Variants in UACA observed in about 807,000 individuals in gnomAD.
UACA encodes nuclear membrane binding protein.
A neutral mutation model predicts 160.5 loss-of-function variants in UACA; 112 were observed. The observed-to-expected ratio is 0.70, with a 90% CI of 0.60 to 0.82. The LOEUF is 0.82. UACA is among the 40% of genes least tolerant of loss of function. The pLI, the probability that UACA is intolerant of heterozygous loss-of-function variation, is 0.00. For missense variants in UACA, 1,574 were observed against 1,614.6 expected (o/e 0.97, Z 0.43); for synonymous variants, 557 against 568.4 (o/e 0.98, Z 0.29).
intron 1 of UACA, among the ~76,000 whole-genome samples, chr15:70,738,208 AT>A (rs1899426717): frequency 6.6e-6 from 1 of 151,778 alleles, no homozygotes; most frequent in Non-Finnish European, 1.5e-5. Flanking sequence ...ACAATCACTT[AT>A]TTTTCTTCCG....
chr15:70,674,206 A>C (rs1310694689), intron 13 of UACA, among the ~76,000 whole-genome samples: 1 of 152,156 alleles, frequency 6.6e-6, no homozygotes, highest in Non-Finnish European at 1.5e-5. Flanking sequence ...ATACTGGGTC[A>C]CATATAAAGT....
intron 1 of UACA, among the ~76,000 whole-genome samples, chr15:70,721,620 C>T (rs986337720): frequency 2.1e-5 from 3 of 146,118 alleles, no homozygotes; most frequent in Non-Finnish European, 4.5e-5. Flanking sequence ...GAGCGAGACT[C>T]CATCTTAAAA....
intron 17 of UACA, chr15:70,661,357 C>A (rs1378597722): frequency 6.6e-6 from 1 of 152,176 alleles, no homozygotes; most frequent in Non-Finnish European, 1.5e-5. Context: ...CTACCCAGAA[C>A]TCCTTGGGGA....
intron 13 of UACA, among the ~76,000 whole-genome samples, chr15:70,673,744 T>C (rs1288293320): frequency 6.6e-6 from 1 of 152,256 alleles, no homozygotes; most frequent in African/African-American, 2.4e-5. Flanking sequence ...TGTTAAGTTA[T>C]TATACATAAC....
Position 70,669,459 on chromosome 15 carries a change from T to G in UACA, c.1225A>C (p.Thr409Pro). ...ATATGGGCTGGTATACCTGGGGAAG[T>G]ACACTGAAAAGAAAAAAAAAAAGAC... The part of the protein sequence containing the change: ...GQMYMADSQC[T>P]SPGIPAHMQS... Residue 409 changes from threonine (T) to proline (P), a missense_variant, in exon 16 of 19, where the codon ACT (threonine) becomes CCT (proline). Physicochemically the swap from Thr to Pro is conservative, Grantham distance 38 (BLOSUM62 -1). Transcript: ENST00000322954. 6.5e-7 allele frequency: 1 copy of G among 1,537,838 alleles called. No homozygotes were observed.
At chr15:70,771,598 A>G in the UACA span, among the ~76,000 whole-genome samples, 2 of 152,230 alleles carry the variant, frequency 1.3e-5, no homozygotes, top group Non-Finnish European at 2.9e-5. Flanking sequence ...ACAAGCAAAT[A>G]AGTAAGCGAC....
chr15:70,694,625 A>C (rs1008501721), intron 3 of UACA, among the ~76,000 whole-genome samples: 1 of 152,174 alleles, frequency 6.6e-6, no homozygotes, highest in Non-Finnish European at 1.5e-5. Context: ...TGTTATATAC[A>C]TGTCAGCTAT....
At chr15:70,693,844 A>G (rs1283068641) in intron 3 of UACA, among the ~76,000 whole-genome samples, 1 of 152,186 alleles carries the variant, frequency 6.6e-6, no homozygotes, top group African/African-American at 2.4e-5. Flanking sequence ...ATTTCTAAAA[A>G]TAAATATTCT....
At chr15:70,742,091 T>C (rs1899556276) in intron 1 of UACA, among the ~76,000 whole-genome samples, 1 of 152,224 alleles carries the variant, frequency 6.6e-6, no homozygotes, top group Non-Finnish European at 1.5e-5. Context: ...TGCTGATCTA[T>C]TTTCTCAATG....
At chr15:70,744,071 C>T (rs528720377) in intron 1 of UACA, among the ~76,000 whole-genome samples, 21 of 151,778 alleles carry the variant, frequency 1.4e-4, no homozygotes, top group Admixed American at 3.3e-4. Flanking sequence ...GGTGAAACCC[C>T]GTCTCTACTA....
At chr15:70,702,573 T>G (rs1435299810) in intron 1 of UACA, among the ~76,000 whole-genome samples, 3 of 152,232 alleles carry the variant, frequency 2.0e-5, no homozygotes, top group Non-Finnish European at 4.4e-5. Context: ...AATTTGGTTA[T>G]TCCACAGAAC....
At chr15:70,774,545 C>CAAAAAAA in the UACA span, among the ~76,000 whole-genome samples, 5 of 82,456 alleles carry the variant, frequency 6.1e-5, no homozygotes, top group African/African-American at 2.9e-4. Context: ...GACTCTGTCT[C>CAAAAAAA]AAAAAAAAAA....
At chr15:70,672,336 A>G (rs1237255143) in intron 13 of UACA, among the ~76,000 whole-genome samples, 4 of 152,216 alleles carry the variant, frequency 2.6e-5, no homozygotes, top group African/African-American at 7.2e-5. Flanking sequence ...TTACCTCAAA[A>G]GGAAGGAAGT....
the UACA span, among the ~76,000 whole-genome samples, chr15:70,773,055 AAAAG>A: frequency 6.6e-6 from 1 of 152,094 alleles, no homozygotes; most frequent in East Asian, 1.9e-4. Context: ...CAAAAAAAAA[AAAAG>A]AAAAGAAAGA....
At chr15:70,670,949 A>G (rs1897116686) in intron 15 of UACA, 90 bp downstream of exon 15, 4 of 694,408 alleles carry the variant, frequency 5.8e-6, no homozygotes, top group Non-Finnish European at 9.1e-6. Context: ...ATATATACTT[A>G]ATGTACAATG....
intron 12 of UACA, 68 bp downstream of exon 12, chr15:70,677,040 C>T (rs1897321923): frequency 8.0e-7 from 1 of 1,253,536 alleles, no homozygotes; most frequent in East Asian, 2.4e-5. Flanking sequence ...AGGACTTAAA[C>T]CTTTACTACT....
At chr15:70,724,089 T>C (rs879399187) in intron 1 of UACA, among the ~76,000 whole-genome samples, 1 of 152,222 alleles carries the variant, frequency 6.6e-6, no homozygotes, top group Non-Finnish European at 1.5e-5. Flanking sequence ...CCCCCCACTT[T>C]TCTGTCTACA....
chr15:70,770,821 T>C, the UACA span, among the ~76,000 whole-genome samples: 8 of 152,310 alleles, frequency 5.3e-5, no homozygotes, highest in African/African-American at 1.9e-4. Context: ...ACTCTCAAGA[T>C]CCATGAACTT....
rs761275966 is a variant in UACA at position 70,667,897 on chromosome 15, C to G, written c.2787G>C (p.Glu929Asp). The G allele has an allele frequency of 1.9e-6, 3 of 1,614,054 alleles. No homozygotes were observed. Among genetic ancestry groups the G allele is most frequent in the Non-Finnish European group, 2.5e-6 (3 of 1,180,012 alleles). The change falls in exon 16 of 19, where the codon GAG (glutamate) becomes GAC (aspartate). Residue 929 changes from glutamate (E) to aspartate (D), a missense_variant. Glu to Asp is a conservative substitution (Grantham distance 45). Coordinates refer to ENST00000322954, the MANE Select transcript of UACA (RefSeq NM_018003.4). ...TCTGACTTAGCGAGCTCATCTTTGC[C>G]TCGTGCTCTGCCAGGCTGATGTACT... ...KAEYISLAEH[E>D]AKMSSLSQSM...
Sources: gnomAD v4.1 joint callset for allele counts (sites outside exome capture counted in the v4.1 genomes callset) on GRCh38, gnomAD v4.1.1 for gene constraint, MANE v1.5 for transcripts, NCBI Gene and HGNC (gene_info 2026-07-23, HGNC 2026-07-21) for gene names.